Variants in ASTN2 observed in about 807,000 individuals in gnomAD.
ASTN2 encodes the protein astrotactin 2, also known as astrotactin-2.
Under a neutral mutation model 139.8 loss-of-function variants are expected in ASTN2, and 54 were observed. The ratio of observed to expected loss-of-function variants is 0.39; its 90% CI spans 0.31 to 0.48. ASTN2 has a LOEUF of 0.48. Among genes scored for constraint, ASTN2 ranks in the 20% least tolerant of loss-of-function variants. ASTN2 has a pLI of 0.95. For missense variants in ASTN2, 1,565 were observed against 1,725.1 expected (o/e 0.91, Z 1.64); for synonymous variants, 756 against 719.5 (o/e 1.05, Z -0.81).
At chr9:116,679,660 A>T (rs1190417874) in intron 16 of ASTN2, among the ~76,000 whole-genome samples, 1 of 152,172 alleles carries the variant, frequency 6.6e-6, no homozygotes, top group Non-Finnish European at 1.5e-5. Context: ...AAAAGAACAG[A>T]AATTATAACT....
chr9:117,374,552 G>A lies in ASTN2; in HGVS notation c.442+39945C>T, dbSNP rs187435224. On this transcript the variant is annotated intron_variant, in intron 1 of 22. Coordinates refer to ENST00000313400, the MANE Select transcript of ASTN2 (RefSeq NM_001365068.1). Reference sequence around the variant, plus strand: ...CTGGGAGAGGCTGCATAGCTGCAAGGCTTGAAAATTAACTCAAAGGCAGTA... The same window carrying A: ...CTGGGAGAGGCTGCATAGCTGCAAGACTTGAAAATTAACTCAAAGGCAGTA... 9.2e-5 allele frequency among the ~76,000 whole-genome samples: 14 copies of A among 152,066 alleles called. 1 individual carries two copies. In the East Asian group the frequency reaches 2.1e-3, roughly 23 times the overall value.
intron 11 of ASTN2, among the ~76,000 whole-genome samples, chr9:116,833,857 G>A (rs976343049): frequency 6.6e-6 from 1 of 152,202 alleles, no homozygotes; most frequent in African/African-American, 2.4e-5. Flanking sequence ...GGTCACAAGA[G>A]TTAAGCCCTT....
At chr9:116,908,767 G>A (rs1834234828) in intron 10 of ASTN2, among the ~76,000 whole-genome samples, 1 of 152,222 alleles carries the variant, frequency 6.6e-6, no homozygotes, top group South Asian at 2.1e-4. Flanking sequence ...CATATCATGT[G>A]CCTATACCAT....
intron 2 of ASTN2, among the ~76,000 whole-genome samples, chr9:117,251,503 G>T (rs945347045): frequency 6.6e-6 from 1 of 151,962 alleles, no homozygotes; most frequent in Admixed American, 6.6e-5. Context: ...TATTCATGTT[G>T]TCTACCTGGT....
chr9:116,678,708 T>C (rs999921890), intron 16 of ASTN2, among the ~76,000 whole-genome samples: 13 of 152,156 alleles, frequency 8.5e-5, no homozygotes, highest in African/African-American at 1.9e-4. Flanking sequence ...TAGCTTTTTT[T>C]CCATAGATTA....
chr9:117,103,351 AG>A (rs1386037511), intron 4 of ASTN2, among the ~76,000 whole-genome samples: 2 of 152,170 alleles, frequency 1.3e-5, no homozygotes, highest in African/African-American at 4.8e-5. Flanking sequence ...AAATAAATGA[AG>A]ATATTCAGAG....
intron 10 of ASTN2, among the ~76,000 whole-genome samples, chr9:116,960,223 C>T (rs1190015667): frequency 2.0e-5 from 3 of 152,112 alleles, no homozygotes; most frequent in Non-Finnish European, 2.9e-5. Flanking sequence ...CTGCAGAACT[C>T]CCTTCTGACT....
At chr9:116,924,376 G>A (rs1377574304) in intron 10 of ASTN2, among the ~76,000 whole-genome samples, 1 of 144,130 alleles carries the variant, frequency 6.9e-6, no homozygotes, top group Non-Finnish European at 1.5e-5. Context: ...GTTACAGTGA[G>A]TAGAGATTGC....
intron 16 of ASTN2, among the ~76,000 whole-genome samples, chr9:116,665,634 C>T (rs1474149199): frequency 6.6e-6 from 1 of 152,136 alleles, no homozygotes; most frequent in Non-Finnish European, 1.5e-5. Flanking sequence ...AAGTATGGTA[C>T]AAGCTGAGCC....
At chr9:117,363,353 G>A (rs763761867) in intron 1 of ASTN2, among the ~76,000 whole-genome samples, 7 of 152,130 alleles carry the variant, frequency 4.6e-5, no homozygotes, top group South Asian at 4.1e-4. Context: ...ATCTCATTTC[G>A]TTCTCTCAAC....
chr9:116,493,509 A>G (rs905416708), intron 19 of ASTN2, among the ~76,000 whole-genome samples: 3 of 152,006 alleles, frequency 2.0e-5, no homozygotes, highest in African/African-American at 7.3e-5. Flanking sequence ...ATTACCTTCC[A>G]CAGAAAATGT....
In ASTN2 at chr9:116,948,823, C is replaced by T. The variant is rs546404573; in HGVS notation, c.1889+26385G>A. 5.1e-5 allele frequency among the ~76,000 whole-genome samples: 4 copies of T among 77,764 alleles called. No individual in the cohort carries two copies. The East Asian group carries it at 1.2e-3, about 23-fold the overall frequency. 51.0% of individuals were successfully genotyped at this position (77,764 alleles called of 152,430 possible). The stretch of plus-strand genomic sequence containing the variant: ...TTTTTTTTTTTTTGAGAAGGAGTCT[C>T]ACTCTGTCACCCAGGCTGGAGTGCA... On this transcript the variant is annotated intron_variant, in intron 10 of 22. Coordinates refer to ENST00000313400, the MANE Select transcript of ASTN2 (RefSeq NM_001365068.1).
chr9:117,355,751 C>T (rs1274515397), intron 1 of ASTN2, among the ~76,000 whole-genome samples: 1 of 152,144 alleles, frequency 6.6e-6, no homozygotes, highest in African/African-American at 2.4e-5. Flanking sequence ...GGCAATCAAA[C>T]ACCCTCTGGC....
intron 19 of ASTN2, among the ~76,000 whole-genome samples, chr9:116,553,479 C>T (rs189132866): frequency 6.6e-6 from 1 of 152,098 alleles, no homozygotes; most frequent in East Asian, 1.9e-4. Flanking sequence ...TGCACAGAAA[C>T]GATGTGTCCA....
chr9:117,333,218 C>A (rs567005785), intron 1 of ASTN2, among the ~76,000 whole-genome samples: 6 of 152,340 alleles, frequency 3.9e-5, no homozygotes, highest in Non-Finnish European at 8.8e-5. Context: ...GTTAATTCCA[C>A]CTCATCACCT....
At chr9:116,700,311 C>A in intron 16 of ASTN2, 1 of 168,776 alleles carries the variant, frequency 5.9e-6, no homozygotes, top group Non-Finnish European at 1.4e-5. Context: ...TACCTCTCGC[C>A]TGGAGGATCT....
intron 20 of ASTN2, among the ~76,000 whole-genome samples, chr9:116,452,538 A>G (rs1848206706): frequency 6.6e-6 from 1 of 152,222 alleles, no homozygotes; most frequent in East Asian, 1.9e-4. Context: ...CATACTCTGT[A>G]TCAGACACAG....
intron 20 of ASTN2, among the ~76,000 whole-genome samples, chr9:116,453,864 T>C (rs1848249575): frequency 6.6e-6 from 1 of 152,196 alleles, no homozygotes; most frequent in South Asian, 2.1e-4. Context: ...AGTTTCCTCA[T>C]CAGTTACCCC....
At chr9:116,857,679 T>A (rs2132332051) in intron 11 of ASTN2, among the ~76,000 whole-genome samples, 1 of 152,268 alleles carries the variant, frequency 6.6e-6, no homozygotes, top group South Asian at 2.1e-4. Context: ...GGCCTTTGTT[T>A]TTCTGTTTGT....
Sources: gnomAD v4.1 joint callset for allele counts (sites outside exome capture counted in the v4.1 genomes callset) on GRCh38, gnomAD v4.1.1 for gene constraint, MANE v1.5 for transcripts, NCBI Gene and HGNC (gene_info 2026-07-23, HGNC 2026-07-21) for gene names.